Variants in ALPK2 observed in about 807,000 individuals in gnomAD.
ALPK2 encodes alpha-protein kinase 2.
In ALPK2, 127 loss-of-function variants were observed where a neutral mutation model predicts 163.1. The observed-to-expected ratio is 0.78, with a 90% confidence interval of 0.67 to 0.90. The LOEUF (loss-of-function observed/expected upper bound fraction) is 0.90, where lower values mean the gene tolerates loss of function less well. ALPK2 is among the 40% of genes least tolerant of loss of function. The probability of loss-of-function intolerance (pLI) is 0.00; values close to 1 mark genes in which losing one functional copy is unlikely to be tolerated. For missense variants in ALPK2, 2,360 were observed against 2,589.6 expected (o/e 0.91, Z 1.92); for synonymous variants, 953 against 959.1 (o/e 0.99, Z 0.12).
intron 11 of ALPK2, among the ~76,000 whole-genome samples, chr18:58,498,937 G>C (rs1486596489): frequency 6.6e-6 from 1 of 152,132 alleles, no homozygotes; most frequent in East Asian, 1.9e-4. Flanking sequence ...GGGCTCAAGG[G>C]GCATGTGTTT....
At chr18:58,628,474 T>G (rs2052243049) in intron 1 of ALPK2, among the ~76,000 whole-genome samples, 1 of 152,202 alleles carries the variant, frequency 6.6e-6, no homozygotes. Context: ...AAGATAGACA[T>G]GATGTGAAAG....
chr18:58,562,942 A>G (rs1258959526), intron 4 of ALPK2, among the ~76,000 whole-genome samples: 1 of 152,126 alleles, frequency 6.6e-6, no homozygotes, highest in African/African-American at 2.4e-5. Flanking sequence ...AAACCCGATT[A>G]CTTCCCACAG....
intron 12 of ALPK2, 94 bp from the exon 13 acceptor site, chr18:58,482,133 A>G (rs113495355): frequency 2.6e-5 from 22 of 855,548 alleles, no homozygotes; most frequent in African/African-American, 2.0e-4. Context: ...CTAATGGTGC[A>G]TGGAACATAT....
At chr18:58,609,022 C>T (rs1028972003) in intron 2 of ALPK2, among the ~76,000 whole-genome samples, 3 of 151,318 alleles carry the variant, frequency 2.0e-5, no homozygotes, top group Non-Finnish European at 4.4e-5. Flanking sequence ...GAAAGACAAA[C>T]GAAGTACAGA....
rs112843066 is a variant in ALPK2 at position 58,529,114 on chromosome 18, C to T, written c.5478G>A (p.Lys1826=). 1 of 1,614,072 alleles carries T rather than the reference C, an allele frequency of 6.2e-7. No individual in the cohort carries two copies. Among genetic ancestry groups the T allele is most frequent in the African/African-American group, 1.3e-5 (1 of 75,038 alleles). ...DSTICWTKDS[K]SIAQVQRSAG... ...ACCTTCTCTGCACTTGGGCTATGGA[C>T]TTTGAATCTTTTGTCCAGCAGATAG... Residue 1826 remains lysine, a synonymous_variant, in exon 6 of 13, where the codon AAG becomes AAA. Transcript: ENST00000361673.
In ALPK2 at chr18:58,537,142, G is replaced by A. The variant is rs541753586; in HGVS notation, c.3045C>T (p.Thr1015=). Residue 1015 remains threonine, a synonymous_variant, in exon 5 of 13, where the codon ACC becomes ACT. Transcript: ENST00000361673. ...CAAGGTATTTGGCTGGGTGGACTTC[G>A]GTGGCAATGGTAACAGTTGATGTGT... ...TEDTSTVTIA[T]EVHPAKYLAV... is the part of the protein sequence containing the mutation. The A allele has an allele frequency of 4.0e-5, 65 of 1,614,068 alleles. No individual in the cohort carries two copies. The highest frequency in any genetic ancestry group is 1.0e-4 in the Admixed American group (6 of 60,024).
At chr18:58,590,972 G>T (rs1338558869) in intron 3 of ALPK2, among the ~76,000 whole-genome samples, 1 of 152,152 alleles carries the variant, frequency 6.6e-6, no homozygotes, top group Non-Finnish European at 1.5e-5. Flanking sequence ...TGCTGTGTTT[G>T]ACCAAAGAGA....
chr18:58,585,666 A>T (rs1602229716), intron 3 of ALPK2, among the ~76,000 whole-genome samples: 1 of 146,358 alleles, frequency 6.8e-6, no homozygotes, highest in Non-Finnish European at 1.5e-5. Context: ...TGTAAAATCC[A>T]CCATTCTATG....
At chr18:58,489,012 A>G (rs2051356481) in intron 12 of ALPK2, among the ~76,000 whole-genome samples, 1 of 152,228 alleles carries the variant, frequency 6.6e-6, no homozygotes, top group South Asian at 2.1e-4. Flanking sequence ...GAATTAATTA[A>G]TAAGCGGAGC....
intron 12 of ALPK2, 27 bp from the exon 13 acceptor site, chr18:58,482,066 A>G (rs373678309): frequency 5.7e-6 from 9 of 1,567,558 alleles, no homozygotes; most frequent in Non-Finnish European, 7.9e-6. Context: ...AAGGAAACAT[A>G]GCTTTTAAAA....
At position 58,578,750 on chromosome 18, in the gene ALPK2, A is replaced by G. The variant is rs1034780310; in HGVS notation, c.1962+64T>C. On this transcript the variant is annotated intron_variant, in intron 4 of 12. Coordinates refer to ENST00000361673, the MANE Select transcript of ALPK2 (RefSeq NM_052947.4). ...AAGGAAGAGACACACACACACACAC[A>G]CACACACACACACACACACACGGTT... is the stretch of plus-strand genomic sequence containing the variant. The G allele has an allele frequency of 2.0e-3, 2,491 of 1,257,186 alleles. 1 individual carries two copies. Among genetic ancestry groups the G allele is most frequent in the Non-Finnish European group, 2.3e-3 (2,101 of 905,480 alleles). The allele number at this position is 1,257,186 out of a possible 1,614,324, so 77.9% of individuals were successfully genotyped here.
intron 4 of ALPK2, among the ~76,000 whole-genome samples, chr18:58,549,811 G>A (rs1443673620): frequency 6.6e-6 from 1 of 152,202 alleles, no homozygotes. Flanking sequence ...CTGGAAGACA[G>A]TGTCTGAGCT....
chr18:58,521,627 C>CTTTTTTTTTTTTTTTTTTTTTTTTTTTTT (rs398033036), intron 8 of ALPK2, among the ~76,000 whole-genome samples: 19 of 55,384 alleles, frequency 3.4e-4, no homozygotes, highest in Non-Finnish European at 4.9e-4. Flanking sequence ...TTCTCTCTCT[C>CTTTTTTTTTTTTTTTTTTTTTTTTTTTTT]TTTTTTTTTT....
chr18:58,578,621 G>C (rs555179720), intron 4 of ALPK2, 193 bp downstream of exon 4: 1 of 546,726 alleles, frequency 1.8e-6, no homozygotes, highest in African/African-American at 1.9e-5. Flanking sequence ...TTCAAAACCA[G>C]ATTTCCTTCC....
Position 58,535,961 on chromosome 18 carries a change from A to T in ALPK2, c.4226T>A (p.Ile1409Lys), listed in dbSNP as rs753745943. The T allele has an allele frequency of 5.0e-6, 8 of 1,614,176 alleles. No individual in the cohort carries two copies. The South Asian group carries it at 6.6e-5, about 13-fold the overall frequency. The change falls in exon 5 of 13, where the codon ATA (isoleucine) becomes AAA (lysine). Residue 1409 changes from isoleucine (I) to lysine (K), a missense_variant. Coordinates refer to ENST00000361673, the MANE Select transcript of ALPK2 (RefSeq NM_052947.4). ...LESSVDPIDE[I>K]SVIEYTRAGK... ...AGCCCTGGTGTACTCTATCACACTT[A>T]TCTCATCAATGGGATCTACAGAGGA... is the stretch of plus-strand genomic sequence containing the variant.
At chr18:58,563,530 C>T (rs2051835687) in intron 4 of ALPK2, among the ~76,000 whole-genome samples, 1 of 152,118 alleles carries the variant, frequency 6.6e-6, no homozygotes, top group African/African-American at 2.4e-5. Context: ...AGAAAATGAC[C>T]AGGACTGTAG....
chr18:58,578,736 A>ACACACACGCGCGCACGCGTGCG, intron 4 of ALPK2, 78 bp downstream of exon 4: 2 of 760,696 alleles, frequency 2.6e-6, no homozygotes, highest in Non-Finnish European at 4.1e-6. Flanking sequence ...AGGAAGAGAC[A>ACACACACGCGCGCACGCGTGCG]CACACACACA....
intron 3 of ALPK2, among the ~76,000 whole-genome samples, chr18:58,590,417 T>A (rs1195631398): frequency 6.6e-6 from 1 of 151,636 alleles, no homozygotes; most frequent in Non-Finnish European, 1.5e-5. Flanking sequence ...CCTCTGAAGC[T>A]CCCCCTCCAG....
rs762162914 is a variant in ALPK2, at chr18:58,580,425, C to T, written c.351G>A (p.Leu117=). The T allele has an allele frequency of 1.2e-6, 2 of 1,614,028 alleles. No homozygotes were observed. Among genetic ancestry groups the T allele is most frequent in the African/African-American group, 2.7e-5 (2 of 74,890 alleles). ...TCCAACCCCTGTCCCTGTCATCTTC[C>T]AGGTTAGGAGACAATTGTGGGTTCT... is the stretch of plus-strand genomic sequence containing the variant. ...SSENPQLSPN[L]EDDRDRGWKH... is the part of the protein sequence containing the mutation. The change falls in exon 4 of 13, where the codon CTG becomes CTA. Residue 117 remains leucine (L), a synonymous_variant. Coordinates refer to ENST00000361673, the MANE Select transcript of ALPK2 (RefSeq NM_052947.4).
Sources: gnomAD v4.1 joint callset for allele counts (sites outside exome capture counted in the v4.1 genomes callset) on GRCh38, gnomAD v4.1.1 for gene constraint, MANE v1.5 for transcripts, NCBI Gene and HGNC (gene_info 2026-07-23, HGNC 2026-07-21) for gene names.